Variants in ZNF175 observed in about 807,000 individuals in gnomAD.
The protein encoded by ZNF175 is zinc finger protein 175, also known as zinc finger protein OTK18.
Under a neutral mutation model 14.0 loss-of-function variants are expected in ZNF175, and 8 were observed. That is an observed-to-expected ratio of 0.57 (90% confidence interval 0.34 to 1.03). The LOEUF is 1.03. ZNF175 is among the 50% of genes least tolerant of loss of function. ZNF175 has a pLI of 0.03. For synonymous variants in ZNF175, 255 were observed against 296.8 expected, an observed-to-expected ratio of 0.86 and a Z score of 1.45; for missense variants, 764 against 849.5, an observed-to-expected ratio of 0.90 and a Z score of 1.25.
Position 51,581,778 on chromosome 19 carries a change from A to C in ZNF175, c.200-9A>C. ...TACACCCAAATCCAGTATCCTTTCT[A>C]ATTAACAGGGTATCACATTCCCAAC... On this transcript the variant is annotated splice_polypyrimidine_tract_variant and intron_variant, in intron 3 of 4. Coordinates refer to ENST00000262259, the MANE Select transcript of ZNF175 (RefSeq NM_007147.4). 2.5e-6 allele frequency: 4 copies of C among 1,613,184 alleles called. No homozygotes were observed. The highest frequency in any genetic ancestry group is 1.8e-4 in the Middle Eastern group (1 of 5,628).
Position 51,573,333 on chromosome 19 carries a change from C to G in ZNF175, c.4C>G (p.Pro2Ala), listed in dbSNP as rs758667265. 6.2e-6 allele frequency: 10 copies of G among 1,612,514 alleles called. No homozygotes were observed. Among genetic ancestry groups the G allele is most frequent in the African/African-American group, 4.0e-5 (3 of 74,756 alleles). M[P>A]ADVNLSQKPQ... ...AGAGTAGAAGCCCAGAGTGGAGATG[C>G]CTGCTGATGTGAATTTATCCCAGAA... is the stretch of plus-strand genomic sequence containing the variant. The change falls in exon 2 of 5, where the codon CCT becomes GCT. Residue 2 changes from proline to alanine, a missense_variant. Transcript: ENST00000262259.
At chr19:51,574,819 A>G (rs1445355122) in intron 2 of ZNF175, among the ~76,000 whole-genome samples, 1 of 152,162 alleles carries the variant, frequency 6.6e-6, no homozygotes, top group Non-Finnish European at 1.5e-5. Flanking sequence ...TGTTCAATAT[A>G]AGCTTTTTTC....
rs763297003 is a variant in ZNF175, at chr19:51,589,567, C to A, written c.*1100C>A. ...TTTTAGGATTAGCTCAGCTTGCCCC[C>A]CCTTTCCATCTCCACCATCTATAGT... is the stretch of plus-strand genomic sequence containing the variant. On this transcript the variant is annotated 3_prime_UTR_variant, in exon 5 of 5. Transcript: ENST00000262259. 2.8e-6 allele frequency: 2 copies of A among 702,090 alleles called. No homozygotes were observed. The highest frequency in any genetic ancestry group is 1.7e-5 in the African/African-American group (1 of 57,232). The allele number at this position is 702,090 out of a possible 1,614,324, so 43.5% of individuals were successfully genotyped here.
At chr19:51,573,908 TTTTTCCTG>T (rs895161574) in intron 2 of ZNF175, 2 of 160,462 alleles carry the variant, frequency 1.2e-5, no homozygotes, top group African/African-American at 4.8e-5. Context: ...TTTTAAACAC[TTTTTCCTG>T]TTTAAAAAGG....
rs1600086844 is a variant in ZNF175, at chr19:51,587,155, A to T, written c.824A>T (p.Gln275Leu). 6.2e-7 allele frequency: 1 copy of T among 1,614,216 alleles called. No individual in the cohort carries two copies. Among genetic ancestry groups the T allele is most frequent in the African/African-American group, 1.3e-5 (1 of 75,062 alleles). ...CTCAAGCAACATCAAATTCATACTC[A>T]GAAGAAACCAGATGGATGTTCTGAA... is the stretch of plus-strand genomic sequence containing the variant. Reference protein sequence around the residue: ...QSLKQHQIHTQKKPDGCSECG... With the variant: ...QSLKQHQIHTLKKPDGCSECG... The change falls in exon 5 of 5, where the codon CAG becomes CTG. Residue 275 changes from glutamine to leucine, a missense_variant. Transcript: ENST00000262259.
Position 51,587,297 on chromosome 19 carries a change from C to T in ZNF175, c.966C>T (p.Leu322=). ...AAGCCTTCATGCCACAACTAAAACT[C>T]AGTGTATATCTGACAGATCATACAG... is the stretch of plus-strand genomic sequence containing the variant. ...CGKAFMPQLK[L]SVYLTDHTGD... is the part of the protein sequence containing the mutation. Residue 322 remains leucine, a synonymous_variant, in exon 5 of 5, where the codon CTC becomes CTT. Transcript: ENST00000262259. 1 of 1,614,158 alleles carries T rather than the reference C, an allele frequency of 6.2e-7. No homozygotes were observed.
rs141265742 is a variant in ZNF175, at chr19:51,588,078, G to A, written c.1747G>A (p.Gly583Ser). 5.6e-6 allele frequency: 9 copies of A among 1,614,078 alleles called. No homozygotes were observed. In the African/African-American group the frequency reaches 1.2e-4, roughly 22 times the overall value. The change falls in exon 5 of 5, where the codon GGT becomes AGT. Residue 583 changes from glycine to serine, a missense_variant. Gly to Ser is a moderately conservative substitution (Grantham distance 56, BLOSUM62 0). Transcript: ENST00000262259. ...CAAAGAGCATCAGCGAATTCACACG[G>A]GTGAGAAACCCTATGTGTGCACTGA... is the stretch of plus-strand genomic sequence containing the variant. The part of the protein sequence containing the change: ...QFKEHQRIHT[G>S]EKPYVCTECG...
Position 51,588,208 on chromosome 19 carries a change from A to G in ZNF175, c.1877A>G (p.Gln626Arg), listed in dbSNP as rs1224681203. The G allele has an allele frequency of 1.2e-6, 2 of 1,614,196 alleles. No individual in the cohort carries two copies. The highest frequency in any genetic ancestry group is 2.2e-5 in the South Asian group (2 of 91,076). Residue 626 changes from glutamine (Q) to arginine (R), a missense_variant, in exon 5 of 5, where the codon CAG becomes CGG. Physicochemically the swap from Gln to Arg is conservative, Grantham distance 43. Coordinates refer to ENST00000262259, the MANE Select transcript of ZNF175 (RefSeq NM_007147.4). ...TACAAATGTGGGAAGGCTTTTGTCC[A>G]GAAATCAGAGTTGATTACCCATCAA... ...VCYKCGKAFV[Q>R]KSELITHQRT...
chr19:51,586,691 T>A lies in ZNF175; in HGVS notation c.360T>A (p.Asp120Glu). 6.2e-7 allele frequency: 1 copy of A among 1,613,020 alleles called. No individual in the cohort carries two copies. Among genetic ancestry groups the A allele is most frequent in the South Asian group, 1.1e-5 (1 of 90,734 alleles). ...EISKKASFQKDMVGEFTRDGS... is the reference protein window; with the variant it reads ...EISKKASFQKEMVGEFTRDGS... ...CTAAGAAAGCTTCATTTCAAAAGGA[T>A]ATGGTAGGTGAGTTCACAAGAGATG... The change falls in exon 5 of 5, where the codon GAT becomes GAA. Residue 120 changes from aspartate (D) to glutamate (E), a missense_variant. Physicochemically the swap from Asp to Glu is conservative, Grantham distance 45. Transcript: ENST00000262259.
At chr19:51,573,456 A>T (rs1455690513) in intron 2 of ZNF175, 55 bp downstream of exon 2, 1 of 1,580,830 alleles carries the variant, frequency 6.3e-7, no homozygotes, top group Non-Finnish European at 8.7e-7. Flanking sequence ...CAGACACAGG[A>T]TGCAGCAGGT....
Position 51,581,480 on chromosome 19 carries a change from T to A in ZNF175, c.162T>A (p.Asp54Glu), listed in dbSNP as rs1982000750. Residue 54 changes from aspartate to glutamate, a missense_variant, in exon 3 of 5, where the codon GAT becomes GAA. Physicochemically the swap from Asp to Glu is conservative, Grantham distance 45. Coordinates refer to ENST00000262259, the MANE Select transcript of ZNF175 (RefSeq NM_007147.4). ...LDPAQRCLYRDVMLELYSHLF... is the reference protein window; with the variant it reads ...LDPAQRCLYREVMLELYSHLF... ...CTGCCCAGAGATGCCTGTACCGGGA[T>A]GTGATGCTGGAGCTCTATAGCCATC... 1 of 1,613,982 alleles carries A rather than the reference T, an allele frequency of 6.2e-7. No individual in the cohort carries two copies. Among genetic ancestry groups the A allele is most frequent in the Admixed American group, 1.7e-5 (1 of 59,984 alleles).
At chr19:51,577,764 C>A (rs180964492) in intron 2 of ZNF175, among the ~76,000 whole-genome samples, 6 of 150,398 alleles carry the variant, frequency 4.0e-5, no homozygotes, top group Non-Finnish European at 8.9e-5. Context: ...CCCGGGTTCA[C>A]GCCATTCTCC....
chr19:51,588,250 A>C lies in ZNF175; in HGVS notation c.1919A>C (p.Glu640Ala), dbSNP rs1982240454. The change falls in exon 5 of 5, where the codon GAG (glutamate) becomes GCG (alanine). Residue 640 changes from glutamate (E) to alanine (A), a missense_variant. Transcript: ENST00000262259. Reference sequence around the variant, plus strand: ...ACCCATCAAAGAACTCACATGGGAGAGAAACCCTATGAATGCCTTGACTGT... The same window carrying C: ...ACCCATCAAAGAACTCACATGGGAGCGAAACCCTATGAATGCCTTGACTGT... Reference protein sequence around the residue: ...LITHQRTHMGEKPYECLDCGK... With the variant: ...LITHQRTHMGAKPYECLDCGK... The C allele has an allele frequency of 6.2e-7, 1 of 1,614,080 alleles. No homozygotes were observed. Among genetic ancestry groups the C allele is most frequent in the Non-Finnish European group, 8.5e-7 (1 of 1,179,998 alleles).
intron 4 of ZNF175, among the ~76,000 whole-genome samples, chr19:51,586,361 C>T (rs1239059118): frequency 1.3e-5 from 2 of 152,208 alleles, no homozygotes; most frequent in Non-Finnish European, 2.9e-5. Flanking sequence ...AACAGGAACA[C>T]CCATCATCGC....
rs57867319 is a variant in ZNF175, at chr19:51,572,364, G to C, written c.-180-786G>C. On this transcript the variant is annotated intron_variant, in intron 1 of 4. Transcript: ENST00000262259. ...GGGGCAACTTATTGTGGACAGGCAA[G>C]AAATGGTAACTGGAGGCCCTGATGC... 2.6e-3 allele frequency among the ~76,000 whole-genome samples: 399 copies of C among 152,312 alleles called. 16 individuals are homozygous for C. The East Asian group carries it at 0.046, about 17-fold the overall frequency.
chr19:51,587,001 G>A lies in ZNF175; in HGVS notation c.670G>A (p.Asp224Asn), dbSNP rs764912000. The change falls in exon 5 of 5, where the codon GAT becomes AAT. Residue 224 changes from aspartate to asparagine, a missense_variant. Transcript: ENST00000262259. ...TGAAAGCAATGACACAGAACAGCTT[G>A]ATGACGTTGTTGGGTCTGGTCAGCT... Reference protein sequence around the residue: ...QNESNDTEQLDDVVGSGQLFS... With the variant: ...QNESNDTEQLNDVVGSGQLFS... The A allele has an allele frequency of 1.2e-6, 2 of 1,614,074 alleles. No homozygotes were observed. Among genetic ancestry groups the A allele is most frequent in the African/African-American group, 1.3e-5 (1 of 74,932 alleles).
At position 51,580,361 on chromosome 19, in the gene ZNF175, G is replaced by C. The variant is rs77962310; in HGVS notation, c.73-1030G>C. On this transcript the variant is annotated intron_variant, in intron 2 of 4. Transcript: ENST00000262259. The stretch of plus-strand genomic sequence containing the variant: ...GTGATAAAATTGATGATTGGGTTCA[G>C]ATATTGTCAGCCTACTCCTCCATTA... 8.8e-3 allele frequency among the ~76,000 whole-genome samples: 1,332 copies of C among 152,220 alleles called. 14 individuals are homozygous for C. Among genetic ancestry groups the C allele is most frequent in the African/African-American group, 0.029 (1,215 of 41,526 alleles).
Position 51,588,533 on chromosome 19 carries a change from T to G in ZNF175, c.*66T>G. On this transcript the variant is annotated 3_prime_UTR_variant, in exon 5 of 5. Coordinates refer to ENST00000262259, the MANE Select transcript of ZNF175 (RefSeq NM_007147.4). ...CGAGTTTCTTGAAGAAGAGAAAATC[T>G]TCTCAGAATCAGGTCTAATTATATG... is the stretch of plus-strand genomic sequence containing the variant. 6.8e-7 allele frequency: 1 copy of G among 1,477,746 alleles called. No individual in the cohort carries two copies. The highest frequency in any genetic ancestry group is 2.4e-5 in the Admixed American group (1 of 41,680). The allele number at this position is 1,477,746 out of a possible 1,614,324, so 91.5% of individuals were successfully genotyped here.
intron 4 of ZNF175, among the ~76,000 whole-genome samples, chr19:51,585,656 T>C (rs1201583530): frequency 1.3e-5 from 2 of 152,162 alleles, no homozygotes; most frequent in African/African-American, 4.8e-5. Flanking sequence ...AAAGTAATAG[T>C]AAAATTTAGT....
Sources: allele counts gnomAD v4.1 joint callset (sites outside exome capture counted in the v4.1 genomes callset), GRCh38; gene constraint gnomAD v4.1.1; transcripts MANE v1.5; gene names NCBI Gene and HGNC (gene_info 2026-07-23, HGNC 2026-07-21).